Variants in NDC80 observed in about 807,000 individuals in gnomAD.
NDC80 encodes NDC80 kinetochore complex component, also known as kinetochore protein NDC80 homolog.
Under a neutral mutation model 89.3 loss-of-function variants are expected in NDC80, and 69 were observed. The ratio of observed to expected loss-of-function variants is 0.77; its 90% CI spans 0.64 to 0.94. The LOEUF (loss-of-function observed/expected upper bound fraction) is 0.94. NDC80 is among the 40% of genes least tolerant of loss of function. The pLI is 0.00. For missense variants in NDC80, 593 were observed against 739.6 expected, an observed-to-expected ratio of 0.80 and a Z score of 2.30; for synonymous variants, 243 against 255.6, an observed-to-expected ratio of 0.95 and a Z score of 0.47.
chr18:2,589,584 AAGGCCCTGTGTTATATACCTCT>A (rs1274130816), intron 9 of NDC80, among the ~76,000 whole-genome samples: 3 of 152,186 alleles, frequency 2.0e-5, no homozygotes, highest in Non-Finnish European at 4.4e-5. Context: ...CTTTTGAACA[AAGGCCCTGTGTTATATACCTCT>A]AGGGAGCATT....
intron 15 of NDC80, among the ~76,000 whole-genome samples, chr18:2,609,483 A>C (rs549891748): frequency 6.6e-6 from 1 of 152,216 alleles, no homozygotes; most frequent in Admixed American, 6.5e-5. Flanking sequence ...CCTGGGCACT[A>C]TAGCAAGACT....
intron 8 of NDC80, among the ~76,000 whole-genome samples, chr18:2,588,609 A>T (rs2072613138): frequency 6.6e-6 from 1 of 152,234 alleles, no homozygotes. Context: ...TCACTTTGCC[A>T]GTATTATCAC....
chr18:2,609,936 A>G (rs1219853572), intron 15 of NDC80, among the ~76,000 whole-genome samples: 1 of 152,252 alleles, frequency 6.6e-6, no homozygotes, highest in Admixed American at 6.5e-5. Context: ...GATTGCGCTC[A>G]TATTTCCAAA....
chr18:2,611,719 G>A (rs4798005), intron 16 of NDC80, among the ~76,000 whole-genome samples: 58,701 of 151,768 alleles, frequency 0.39, 12,518 homozygotes, highest in East Asian at 0.68. Flanking sequence ...TAAAATTCTT[G>A]GTTAATTTAT....
At chr18:2,576,579 G>T (rs1216021318) in intron 3 of NDC80, among the ~76,000 whole-genome samples, 1 of 152,172 alleles carries the variant, frequency 6.6e-6, no homozygotes, top group African/African-American at 2.4e-5. Context: ...GTGATCCTTA[G>T]ACAACACTTT....
intron 6 of NDC80, among the ~76,000 whole-genome samples, chr18:2,580,776 C>CT (rs1291454968): frequency 2.1e-5 from 2 of 96,272 alleles, no homozygotes; most frequent in Non-Finnish European, 4.0e-5. Flanking sequence ...GAGTCTCACT[C>CT]TGTCGCCTGG....
At position 2,572,968 on chromosome 18, in the gene NDC80, T is replaced by C. The variant is rs984773908; in HGVS notation, c.-9-9T>C. On this transcript the variant is annotated splice_polypyrimidine_tract_variant and intron_variant, in intron 1 of 16. Transcript: ENST00000261597. The stretch of plus-strand genomic sequence containing the variant: ...AAGTTTTTTTTAAATACTGAATTCG[T>C]GAATGTAGGTCATAAGCATGAAGCG... 15 of 1,603,642 alleles carry C rather than the reference T, an allele frequency of 9.4e-6. No individual in the cohort carries two copies. In the African/African-American group the frequency reaches 2.0e-4, roughly 22 times the overall value.
Position 2,616,433 on chromosome 18 carries a change from C to CT in NDC80, c.1792-3dup. ...CTTTAACAATTGTTAATTCTCTTCA[C>CT]TAGAAACATCTTGAGGAGCAGATTG... On this transcript the variant is annotated splice_polypyrimidine_tract_variant and splice_region_variant and intron_variant, in intron 16 of 16. Transcript: ENST00000261597. 6.8e-7 allele frequency: 1 copy of CT among 1,466,908 alleles called. No homozygotes were observed. Among genetic ancestry groups the CT allele is most frequent in the Non-Finnish European group, 9.1e-7 (1 of 1,094,268 alleles). The allele number at this position is 1,466,908 out of a possible 1,614,324, so 90.9% of individuals were successfully genotyped here.
chr18:2,610,846 T>C lies in NDC80; in HGVS notation c.1776T>C (p.His592=), dbSNP rs756855940. ...GTCTGTTAGAGATGGTTGCTACACA[T>C]GTTGGGTCTGTAGAGGTAAGTATGT... The part of the protein sequence containing the change: ...LQRLLEMVAT[H]VGSVEKHLEE... Residue 592 remains histidine (H), a synonymous_variant, in exon 16 of 17, where the codon CAT becomes CAC. Transcript: ENST00000261597. 2 of 1,569,196 alleles carry C rather than the reference T, an allele frequency of 1.3e-6. No homozygotes were observed. Among genetic ancestry groups the C allele is most frequent in the Non-Finnish European group, 1.7e-6 (2 of 1,149,384 alleles).
In NDC80 at chr18:2,574,898, G is replaced by T. The variant is rs1262925627; in HGVS notation, c.102-91G>T. On this transcript the variant is annotated intron_variant, in intron 2 of 16. Coordinates refer to ENST00000261597, the MANE Select transcript of NDC80 (RefSeq NM_006101.3). ...TTTGAATTATTTTTATAGCTAGTGGGGAAGAGTTGTTGGTTCTAATATATT... is the reference window on the plus strand; with the variant it reads ...TTTGAATTATTTTTATAGCTAGTGGTGAAGAGTTGTTGGTTCTAATATATT... 2.0e-5 allele frequency: 15 copies of T among 768,568 alleles called. No individual in the cohort carries two copies. The East Asian group carries it at 4.1e-4, about 21-fold the overall frequency. 47.6% of individuals were successfully genotyped at this position (768,568 alleles called of 1,614,324 possible).
At position 2,602,422 on chromosome 18, in the gene NDC80, T is replaced by C. The variant is rs556941651; in HGVS notation, c.1464+937T>C. ...TGATCACATCATACTATTATTGCTG[T>C]AATTCGCAGTTTCTAAAATATCTAT... is the stretch of plus-strand genomic sequence containing the variant. On this transcript the variant is annotated intron_variant, in intron 13 of 16. Coordinates refer to ENST00000261597, the MANE Select transcript of NDC80 (RefSeq NM_006101.3). Among the ~76,000 whole-genome samples, 9 of 152,274 alleles carry C rather than the reference T, an allele frequency of 5.9e-5. No individual in the cohort carries two copies. In the South Asian group the frequency reaches 1.9e-3, roughly 32 times the overall value.
Position 2,587,941 on chromosome 18 carries a change from T to G in NDC80, c.763+18T>G, listed in dbSNP as rs957078771. ...AAAACTGAGTAAGTGTTCTCGTTCT[T>G]AGGGTGCTTGCTTTTGGTCATTTCA... is the stretch of plus-strand genomic sequence containing the variant. On this transcript the variant is annotated intron_variant, in intron 8 of 16. Transcript: ENST00000261597. 1 of 1,605,918 alleles carries G rather than the reference T, an allele frequency of 6.2e-7. No individual in the cohort carries two copies. Among genetic ancestry groups the G allele is most frequent in the African/African-American group, 1.3e-5 (1 of 74,760 alleles).
intron 16 of NDC80, among the ~76,000 whole-genome samples, chr18:2,614,621 GA>G (rs1158455339): frequency 1.6e-3 from 12 of 7,624 alleles, no homozygotes; most frequent in Non-Finnish European, 2.7e-3. Context: ...AAGAAAGAAA[GA>G]AAGAAAGAAA....
At chr18:2,578,800 T>G (rs1267539468) in intron 5 of NDC80, 127 bp from the exon 6 acceptor site, 1 of 450,860 alleles carries the variant, frequency 2.2e-6, no homozygotes, top group Non-Finnish European at 3.8e-6. Flanking sequence ...CTAACATATC[T>G]TACCTCTAAA....
intron 10 of NDC80, among the ~76,000 whole-genome samples, chr18:2,590,709 C>G (rs1340978996): frequency 6.6e-6 from 1 of 152,170 alleles, no homozygotes; most frequent in Non-Finnish European, 1.5e-5. Context: ...TTCACAGTTT[C>G]CAGAGATAGA....
intron 16 of NDC80, 121 bp downstream of exon 16, chr18:2,610,982 A>G: frequency 3.9e-6 from 2 of 519,198 alleles, no homozygotes; most frequent in Non-Finnish European, 6.2e-6. Flanking sequence ...ATGATCTGGC[A>G]AAAATTTATC....
At chr18:2,593,837 T>C in intron 10 of NDC80, 1 of 299,556 alleles carries the variant, frequency 3.3e-6, no homozygotes, top group Non-Finnish European at 6.7e-6. Flanking sequence ...TAATTTCTGT[T>C]TGGATGATAA....
At chr18:2,613,891 G>A (rs1419334433) in intron 16 of NDC80, among the ~76,000 whole-genome samples, 1 of 151,960 alleles carries the variant, frequency 6.6e-6, no homozygotes, top group Non-Finnish European at 1.5e-5. Flanking sequence ...TAAATAAATG[G>A]ACGAAAGATT....
chr18:2,586,910 T>C (rs567661699), intron 7 of NDC80, among the ~76,000 whole-genome samples: 1 of 152,342 alleles, frequency 6.6e-6, no homozygotes, highest in Non-Finnish European at 1.5e-5. Flanking sequence ...AAGTTTCCGA[T>C]ACTCAGCTTT....
Sources: gnomAD v4.1 joint callset for allele counts (sites outside exome capture counted in the v4.1 genomes callset) on GRCh38, gnomAD v4.1.1 for gene constraint, MANE v1.5 for transcripts, NCBI Gene and HGNC (gene_info 2026-07-23, HGNC 2026-07-21) for gene names.